Variants in KLF12 observed in about 807,000 individuals in gnomAD.
KLF12 encodes the protein KLF transcription factor 12, also known as Krueppel-like factor 12.
In KLF12, 9 loss-of-function variants were observed where a neutral mutation model predicts 37.8. The ratio of observed to expected loss-of-function variants is 0.24; its 90% CI spans 0.14 to 0.42. The LOEUF is 0.42. KLF12 is among the 10% of genes least tolerant of loss of function. KLF12 has a pLI of 1.00. For missense variants in KLF12, 411 were observed against 516.0 expected (o/e 0.80, Z 1.97); for synonymous variants, 208 against 202.1 (o/e 1.03, Z -0.25).
chr13:74,235,403 T>G, the KLF12 span, among the ~76,000 whole-genome samples: 3 of 152,346 alleles, frequency 2.0e-5, no homozygotes, highest in East Asian at 5.8e-4. Flanking sequence ...CACTTCCCTA[T>G]GTTTATTTTA....
At chr13:73,812,460 T>C (rs1242353622) in intron 5 of KLF12, among the ~76,000 whole-genome samples, 1 of 152,086 alleles carries the variant, frequency 6.6e-6, no homozygotes. Context: ...TATGTACATG[T>C]ATGTTAAATC....
chr13:73,847,416 A>T (rs1334229937), intron 3 of KLF12, among the ~76,000 whole-genome samples: 2 of 152,134 alleles, frequency 1.3e-5, no homozygotes, highest in Non-Finnish European at 2.9e-5. Context: ...TTCCTCATTT[A>T]ATAAAAGATT....
chr13:73,768,945 T>C (rs1409408533), intron 5 of KLF12, among the ~76,000 whole-genome samples: 2 of 152,114 alleles, frequency 1.3e-5, no homozygotes, highest in African/African-American at 4.8e-5. Context: ...GAGGATGTAA[T>C]AAGATGAATT....
At chr13:74,061,098 C>G (rs1236221209) in intron 1 of KLF12, among the ~76,000 whole-genome samples, 2 of 152,184 alleles carry the variant, frequency 1.3e-5, no homozygotes, top group Non-Finnish European at 2.9e-5. Flanking sequence ...AAGTAACATT[C>G]ATCATAGCAA....
At position 73,930,470 on chromosome 13, in the gene KLF12, GT is replaced by G. The variant is rs199667290; in HGVS notation, c.123+13510del. On this transcript the variant is annotated intron_variant, in intron 3 of 7. Coordinates refer to ENST00000377669, the MANE Select transcript of KLF12 (RefSeq NM_007249.5). ...AAAATACTACATATTAACTAGAAAA[GT>G]TTTTTATTCAATTTGGGAAATTGAA... Among the ~76,000 whole-genome samples the G allele has an allele frequency of 7.6e-3, 1,155 of 152,182 alleles. 18 individuals are homozygous for G. Among genetic ancestry groups the G allele is most frequent in the African/African-American group, 0.026 (1,067 of 41,518 alleles).
chr13:74,208,517 A>G, the KLF12 span, among the ~76,000 whole-genome samples: 1 of 152,212 alleles, frequency 6.6e-6, no homozygotes, highest in Non-Finnish European at 1.5e-5. Flanking sequence ...TTATAATAGC[A>G]AGTAAATTAT....
intron 3 of KLF12, among the ~76,000 whole-genome samples, chr13:73,877,191 A>G (rs748602766): frequency 6.6e-6 from 1 of 152,072 alleles, no homozygotes; most frequent in Non-Finnish European, 1.5e-5. Context: ...TTAGAAACTA[A>G]CTCCCAATGT....
the KLF12 span, among the ~76,000 whole-genome samples, chr13:74,165,638 T>TA: frequency 6.6e-6 from 1 of 152,160 alleles, no homozygotes; most frequent in Admixed American, 6.5e-5. Flanking sequence ...GGTTGCAAGA[T>TA]AACTGCCACA....
the KLF12 span, among the ~76,000 whole-genome samples, chr13:74,204,156 C>T: frequency 2.0e-5 from 3 of 152,020 alleles, no homozygotes; most frequent in Non-Finnish European, 4.4e-5. Context: ...TTTTTATTTA[C>T]TATGTGTCTG....
intron 5 of KLF12, among the ~76,000 whole-genome samples, chr13:73,772,306 C>T (rs1178750300): frequency 6.6e-6 from 1 of 152,134 alleles, no homozygotes; most frequent in Non-Finnish European, 1.5e-5. Flanking sequence ...GGAGGGGATG[C>T]TACAAGGATT....
At chr13:73,860,211 G>T (rs1457551176) in intron 3 of KLF12, among the ~76,000 whole-genome samples, 1 of 152,148 alleles carries the variant, frequency 6.6e-6, no homozygotes, top group East Asian at 1.9e-4. Flanking sequence ...AGCTGTACCA[G>T]ATTCCACCTG....
the KLF12 span, among the ~76,000 whole-genome samples, chr13:74,217,096 C>T: frequency 3.9e-5 from 6 of 152,028 alleles, no homozygotes; most frequent in Non-Finnish European, 7.4e-5. Context: ...AAGAAAAACT[C>T]AAATCATAAA....
chr13:74,136,684 AAGAT>A (rs1878567113), upstream of KLF12, among the ~76,000 whole-genome samples: 1 of 152,170 alleles, frequency 6.6e-6, no homozygotes, highest in Admixed American at 6.5e-5. Flanking sequence ...AGAGTGATGA[AAGAT>A]AGAAAACAAA....
chr13:74,016,929 C>G (rs1211154594), intron 1 of KLF12, among the ~76,000 whole-genome samples: 2 of 152,066 alleles, frequency 1.3e-5, no homozygotes, highest in Non-Finnish European at 2.9e-5. Flanking sequence ...TTTTGATAAA[C>G]TCATAATGGA....
intron 7 of KLF12, among the ~76,000 whole-genome samples, chr13:73,700,437 T>C (rs1367801481): frequency 6.6e-6 from 1 of 151,932 alleles, no homozygotes; most frequent in African/African-American, 2.4e-5. Context: ...AATTTAATTA[T>C]CTAAGTGATA....
chr13:73,971,251 T>C (rs1352411463), intron 2 of KLF12, among the ~76,000 whole-genome samples: 3 of 152,082 alleles, frequency 2.0e-5, no homozygotes, highest in Non-Finnish European at 2.9e-5. Flanking sequence ...TGCAAACACA[T>C]TTAAGGATTT....
At chr13:73,945,959 C>T (rs1279161697) in intron 2 of KLF12, among the ~76,000 whole-genome samples, 1 of 152,096 alleles carries the variant, frequency 6.6e-6, no homozygotes, top group African/African-American at 2.4e-5. Flanking sequence ...TCACATGGGG[C>T]AGGGATCTCA....
intron 7 of KLF12, 47 bp from the exon 8 acceptor site, chr13:73,695,718 T>A (rs1386216680): frequency 6.4e-7 from 1 of 1,572,164 alleles, no homozygotes; most frequent in East Asian, 2.2e-5. Flanking sequence ...ATCCATCACT[T>A]TGCCATAACC....
In KLF12 at chr13:73,915,519, C is replaced by CT. The variant is rs889139663; in HGVS notation, c.123+28461dup. ...CCAGGCTTCTTTTTCAGTTTTGTTT[C>CT]TTTTTTTTTTTGAGATGGAGTCTCG... On this transcript the variant is annotated intron_variant, in intron 3 of 7. Transcript: ENST00000377669. Among the ~76,000 whole-genome samples the CT allele has an allele frequency of 1.6e-3, 235 of 144,842 alleles. 8 individuals carry two copies. The highest frequency in any genetic ancestry group is 3.5e-3 in the Middle Eastern group (1 of 282).
Sources: allele counts gnomAD v4.1 joint callset (sites outside exome capture counted in the v4.1 genomes callset), GRCh38; gene constraint gnomAD v4.1.1; transcripts MANE v1.5; gene names NCBI Gene and HGNC (gene_info 2026-07-23, HGNC 2026-07-21).